Variants in ICA1 observed in about 807,000 individuals in gnomAD.
ICA1 encodes islet cell autoantigen 1.
ICA1 carries 40 observed loss-of-function variants against 71.0 expected under a neutral mutation model. The observed-to-expected ratio is 0.56, with a 90% CI of 0.44 to 0.73. The LOEUF (loss-of-function observed/expected upper bound fraction) is 0.73, where lower values mean the gene tolerates loss of function less well. ICA1 is among the 30% of genes least tolerant of loss of function. The pLI, the probability that ICA1 is intolerant of heterozygous loss-of-function variation, is 0.00. For missense variants in ICA1, 578 were observed against 576.5 expected, an observed-to-expected ratio of 1.00 and a Z score of -0.03; for synonymous variants, 207 against 209.5, an observed-to-expected ratio of 0.99 and a Z score of 0.10.
chr7:8,126,735 T>A (rs1789343483), intron 13 of ICA1, among the ~76,000 whole-genome samples: 1 of 152,178 alleles, frequency 6.6e-6, no homozygotes, highest in African/African-American at 2.4e-5. Flanking sequence ...CAAAACAGTT[T>A]GATAATTTCT....
chr7:8,213,989 A>G (rs764958154), intron 6 of ICA1, among the ~76,000 whole-genome samples: 1 of 152,212 alleles, frequency 6.6e-6, no homozygotes, highest in Non-Finnish European at 1.5e-5. Context: ...ATGGTGATGA[A>G]ACACTAGACA....
In ICA1 at chr7:8,223,006, G is replaced by T. The variant is rs1419175831; in HGVS notation, c.257-1608C>A. On this transcript the variant is annotated intron_variant, in intron 4 of 13. Coordinates refer to ENST00000402384, the MANE Select transcript of ICA1 (RefSeq NM_001136020.3). The surrounding 1 kb of genome is among the most constrained non-coding windows in gnomAD (Gnocchi z 4.1). The stretch of plus-strand genomic sequence containing the variant: ...ATTGAATTGACTACAATTTTGCCTT[G>T]TTATCCTCATACACTTTATTTCAGT... Among the ~76,000 whole-genome samples, 1 of 152,168 alleles carries T rather than the reference G, an allele frequency of 6.6e-6. No homozygotes were observed. Among genetic ancestry groups the T allele is most frequent in the African/African-American group, 2.4e-5 (1 of 41,446 alleles).
chr7:8,247,389 G>C (rs185153647), intron 1 of ICA1, among the ~76,000 whole-genome samples: 10 of 152,136 alleles, frequency 6.6e-5, no homozygotes, highest in Non-Finnish European at 1.0e-4. Flanking sequence ...GAGCCCAGGA[G>C]GTCAAGGCTG....
chr7:8,142,177 A>G, intron 9 of ICA1: 1 of 447,070 alleles, frequency 2.2e-6, no homozygotes, highest in Non-Finnish European at 3.8e-6. Context: ...TCTGATTCCT[A>G]GTGTTATAGG....
intron 8 of ICA1, among the ~76,000 whole-genome samples, chr7:8,145,854 C>G (rs950018694): frequency 6.6e-6 from 1 of 151,032 alleles, no homozygotes; most frequent in Non-Finnish European, 1.5e-5. Flanking sequence ...GCTTATTAGA[C>G]TACAGAATAT....
At chr7:8,231,278 G>C (rs563706660) in intron 3 of ICA1, among the ~76,000 whole-genome samples, 1 of 152,222 alleles carries the variant, frequency 6.6e-6, no homozygotes, top group South Asian at 2.1e-4. Context: ...TGGTGGTGAG[G>C]GCAATGTAAG....
chr7:8,194,304 T>C (rs970266525), intron 6 of ICA1, among the ~76,000 whole-genome samples: 3 of 152,182 alleles, frequency 2.0e-5, no homozygotes, highest in Non-Finnish European at 4.4e-5. Flanking sequence ...TAAATGTTAA[T>C]ATCAGTGAAA....
chr7:8,221,625 G>C (rs1366700260), intron 4 of ICA1, among the ~76,000 whole-genome samples: 1 of 152,204 alleles, frequency 6.6e-6, no homozygotes, highest in Non-Finnish European at 1.5e-5. Flanking sequence ...ACATCTGTCA[G>C]TGAGTTTGGT....
intron 6 of ICA1, among the ~76,000 whole-genome samples, chr7:8,206,964 T>C (rs564791562): frequency 7.2e-5 from 11 of 152,308 alleles, no homozygotes; most frequent in African/African-American, 2.4e-4. Flanking sequence ...CTATTTTTGC[T>C]TGTAAGCATG....
chr7:8,216,406 T>G (rs1795400491), intron 6 of ICA1, among the ~76,000 whole-genome samples: 1 of 151,838 alleles, frequency 6.6e-6, no homozygotes, highest in African/African-American at 2.4e-5. Context: ...GATTGGGGAG[T>G]AAGGCTTCAG....
chr7:8,191,006 C>CTTTGGGAAGGGGTAAAAAAGACAG (rs1785403792), intron 6 of ICA1, among the ~76,000 whole-genome samples: 1 of 152,182 alleles, frequency 6.6e-6, no homozygotes, highest in Non-Finnish European at 1.5e-5. Flanking sequence ...AACAAATGGT[C>CTTTGGGAAGGGGTAAAAAAGACAG]ATCAGAGTTG....
Position 8,158,599 on chromosome 7 carries a change from A to C in ICA1, c.633T>G (p.Asp211Glu). 5 of 1,614,068 alleles carry C rather than the reference A, an allele frequency of 3.1e-6. No individual in the cohort carries two copies. The highest frequency in any genetic ancestry group is 4.2e-6 in the Non-Finnish European group (5 of 1,179,944). The change falls in exon 7 of 14, where the codon GAT (aspartate) becomes GAG (glutamate). Residue 211 changes from aspartate to glutamate, a missense_variant. Coordinates refer to ENST00000402384, the MANE Select transcript of ICA1 (RefSeq NM_001136020.3). ...CAAGAAGATCCACTTTTTGACAAAC[A>C]TCCATCTTCAATTTGTCAAAGTTTT... ...AKKNFDKLKM[D>E]VCQKVDLLGA...
rs1789897200 is a variant in ICA1 at position 8,127,927 on chromosome 7, G to A, written c.1276C>T (p.Leu426Phe). 1.2e-6 allele frequency: 2 copies of A among 1,614,262 alleles called. No homozygotes were observed. The highest frequency in any genetic ancestry group is 4.5e-5 in the East Asian group (2 of 44,894). The change falls in exon 13 of 14, where the codon CTT (leucine) becomes TTT (phenylalanine). Residue 426 changes from leucine to phenylalanine, a missense_variant. Transcript: ENST00000402384. ...TTTTGGTCTAAAAGCTGCGAAGGAA[G>A]GAAACCTGAGCCTGTCTGGGCCTTG... ...DPKAQTGSGF[L>F]PSQLLDQNMK...
At chr7:8,198,050 T>C (rs1193779482) in intron 6 of ICA1, among the ~76,000 whole-genome samples, 3 of 152,244 alleles carry the variant, frequency 2.0e-5, no homozygotes, top group African/African-American at 4.8e-5. Context: ...CTAAAAGTTG[T>C]GTATGTAACA....
chr7:8,251,624 T>A (rs1263555176), intron 1 of ICA1, among the ~76,000 whole-genome samples: 1 of 151,820 alleles, frequency 6.6e-6, no homozygotes, highest in Non-Finnish European at 1.5e-5. Context: ...AAAGGTCAAG[T>A]TCACATAGAG....
At chr7:8,166,667 T>C (rs1806093254) in intron 6 of ICA1, among the ~76,000 whole-genome samples, 1 of 152,118 alleles carries the variant, frequency 6.6e-6, no homozygotes, top group African/African-American at 2.4e-5. Flanking sequence ...AAAGAGCTTC[T>C]GTACAGCAAA....
intron 1 of ICA1, among the ~76,000 whole-genome samples, chr7:8,259,550 A>G (rs567042782): frequency 6.6e-6 from 1 of 152,306 alleles, no homozygotes; most frequent in South Asian, 2.1e-4. Context: ...GTGAAAAAAT[A>G]ATTTATTACT....
At chr7:8,233,587 G>C (rs1800930011) in intron 2 of ICA1, among the ~76,000 whole-genome samples, 1 of 151,800 alleles carries the variant, frequency 6.6e-6, no homozygotes, top group Non-Finnish European at 1.5e-5. Flanking sequence ...GTACAGATGG[G>C]GTTTCACTAT....
intron 6 of ICA1, among the ~76,000 whole-genome samples, chr7:8,194,685 C>G (rs1322792182): frequency 1.3e-5 from 2 of 152,088 alleles, no homozygotes; most frequent in African/African-American, 4.8e-5. Context: ...TTTATTTGCT[C>G]ACAAATGTAA....
Sources: allele counts gnomAD v4.1 joint callset (sites outside exome capture counted in the v4.1 genomes callset), GRCh38; gene constraint gnomAD v4.1.1; non-coding constraint Gnocchi (gnomAD v3.1); transcripts MANE v1.5; gene names NCBI Gene and HGNC (gene_info 2026-07-23, HGNC 2026-07-21).